Variants in PGM2L1 observed in about 807,000 individuals in gnomAD.
The protein encoded by PGM2L1 is glucose 1,6-bisphosphate synthase.
PGM2L1 carries 35 observed loss-of-function variants against 73.4 expected under a neutral mutation model. The observed-to-expected ratio is 0.48, with a 90% CI of 0.36 to 0.63. PGM2L1 has a LOEUF of 0.63. Ranked by LOEUF, PGM2L1 falls within the 30% of genes least tolerant of loss-of-function variation. The pLI, the probability that PGM2L1 is intolerant of heterozygous loss-of-function variation, is 0.00. For missense variants in PGM2L1, 570 were observed against 742.0 expected (o/e 0.77, Z 2.69); for synonymous variants, 225 against 253.8 (o/e 0.89, Z 1.08).
At position 74,330,380 on chromosome 11, in the gene PGM2L1, C is replaced by T. The variant is rs141308785; in HGVS notation, c.*6272G>A. On this transcript the variant is annotated 3_prime_UTR_variant, in exon 14 of 14. Coordinates refer to ENST00000298198, the MANE Select transcript of PGM2L1 (RefSeq NM_173582.6). ...TGGCTAAAACCACAAGAAATCCACACACAAATACATAAAGTGCAAATTCTC... is the reference window on the plus strand; with the variant it reads ...TGGCTAAAACCACAAGAAATCCACATACAAATACATAAAGTGCAAATTCTC... 6.5e-6 allele frequency: 1 copy of T among 152,752 alleles called. No individual in the cohort carries two copies. Among genetic ancestry groups the T allele is most frequent in the East Asian group, 1.9e-4 (1 of 5,188 alleles). The allele number at this position is 152,752 out of a possible 1,614,324, so 9.5% of individuals were successfully genotyped here. A position where few individuals can be genotyped will look rare whatever the true frequency, so the allele number is the denominator to read the frequency against.
intron 5 of PGM2L1, among the ~76,000 whole-genome samples, chr11:74,357,318 G>C (rs1046265057): frequency 6.6e-6 from 1 of 152,070 alleles, no homozygotes; most frequent in African/African-American, 2.4e-5. Flanking sequence ...ATCTGAAAAA[G>C]GACTGTTATC....
At chr11:74,372,873 G>C (rs1184631219) in intron 2 of PGM2L1, among the ~76,000 whole-genome samples, 1 of 152,180 alleles carries the variant, frequency 6.6e-6, no homozygotes, top group East Asian at 1.9e-4. Context: ...GTGAGTGCAT[G>C]CTTAGTATAT....
At position 74,384,166 on chromosome 11, in the gene PGM2L1, TCTGA is replaced by T. The variant is rs377179589; in HGVS notation, c.112-9588_112-9585del. 1.8e-4 allele frequency among the ~76,000 whole-genome samples: 27 copies of T among 152,262 alleles called. No individual in the cohort carries two copies. The South Asian group carries it at 2.5e-3, about 14-fold the overall frequency. The stretch of plus-strand genomic sequence containing the variant: ...ATCCTTTTGTCATTCCATGCTTTGT[TCTGA>T]CTATTTTTCACTGACCTATCTTGTA... On this transcript the variant is annotated intron_variant, in intron 1 of 13. Transcript: ENST00000298198.
chr11:74,338,225 G>A (rs1389280487), intron 13 of PGM2L1, among the ~76,000 whole-genome samples: 1 of 152,142 alleles, frequency 6.6e-6, no homozygotes, highest in African/African-American at 2.4e-5. Flanking sequence ...CAAATCTATA[G>A]AGAAAGACAG....
At chr11:74,375,598 G>A (rs1466145579) in intron 1 of PGM2L1, among the ~76,000 whole-genome samples, 1 of 151,990 alleles carries the variant, frequency 6.6e-6, no homozygotes, top group Non-Finnish European at 1.5e-5. Context: ...CATAAAAGGT[G>A]CTAAATATTA....
chr11:74,338,633 A>G (rs375559241), intron 12 of PGM2L1, 32 bp from the exon 13 acceptor site: 1 of 1,550,856 alleles, frequency 6.4e-7, no homozygotes, highest in Non-Finnish European at 8.8e-7. Context: ...GCTTAATTAT[A>G]CTTGGCATCT....
chr11:74,353,894 C>T (rs1862401257), intron 5 of PGM2L1, among the ~76,000 whole-genome samples: 1 of 150,602 alleles, frequency 6.6e-6, no homozygotes, highest in Non-Finnish European at 1.5e-5. Context: ...GCTGAAAACC[C>T]AGAATGTTTA....
intron 5 of PGM2L1, among the ~76,000 whole-genome samples, chr11:74,352,084 C>T (rs961873211): frequency 2.8e-4 from 42 of 152,026 alleles, no homozygotes; most frequent in Admixed American, 2.4e-3. Flanking sequence ...AATGACTCTA[C>T]AGGGACTCTT....
At chr11:74,376,501 A>G (rs893950507) in intron 1 of PGM2L1, among the ~76,000 whole-genome samples, 1 of 150,892 alleles carries the variant, frequency 6.6e-6, no homozygotes, top group African/African-American at 2.4e-5. Flanking sequence ...TATATAGTAT[A>G]TATGTGTGTA....
chr11:74,338,538 T>C lies in PGM2L1; in HGVS notation c.1696A>G (p.Thr566Ala). The C allele has an allele frequency of 6.2e-7, 1 of 1,607,278 alleles. No homozygotes were observed. ...GGTTCTGTTCCACTTGTCCGAAGGG[T>C]AGCAACACAGCCATTTTGAAAAGTA... ...TFTFQNGCVA[T>A]LRTSGTEPKI... The change falls in exon 13 of 14, where the codon ACC becomes GCC. Residue 566 changes from threonine to alanine, a missense_variant. Coordinates refer to ENST00000298198, the MANE Select transcript of PGM2L1 (RefSeq NM_173582.6).
chr11:74,368,491 C>T lies in PGM2L1; in HGVS notation c.555+1G>A. Reference sequence around the variant, plus strand: ...GCAAAGGTCAGGAGTCCAAGGTTTACCTTGTATCCATTGTCTTCCTTGCGG... The same window carrying T: ...GCAAAGGTCAGGAGTCCAAGGTTTATCTTGTATCCATTGTCTTCCTTGCGG... On this transcript the variant is annotated splice_donor_variant, in intron 5 of 13. Coordinates refer to ENST00000298198, the MANE Select transcript of PGM2L1 (RefSeq NM_173582.6). LOFTEE classifies it high-confidence loss of function. The T allele has an allele frequency of 6.2e-7, 1 of 1,609,654 alleles. No individual in the cohort carries two copies. Among genetic ancestry groups the T allele is most frequent in the Non-Finnish European group, 8.5e-7 (1 of 1,176,032 alleles).
intron 5 of PGM2L1, chr11:74,355,569 AAAAAAAAAAAT>A (rs1352085578): frequency 0.021 from 6,851 of 326,530 alleles, 87 homozygotes; most frequent in East Asian, 0.045. Context: ...AAAAAAAAAA[AAAAAAAAAAAT>A]TTGGATCCAT....
At chr11:74,392,666 C>T (rs897266964) in intron 1 of PGM2L1, among the ~76,000 whole-genome samples, 14 of 152,096 alleles carry the variant, frequency 9.2e-5, no homozygotes, top group Non-Finnish European at 1.2e-4. Flanking sequence ...CTCAGCCTCC[C>T]GAGTAGCTGG....
chr11:74,353,940 A>G (rs936538106), intron 5 of PGM2L1, among the ~76,000 whole-genome samples: 129 of 151,986 alleles, frequency 8.5e-4, no homozygotes, highest in African/African-American at 2.9e-3. Flanking sequence ...ATGCTCCCAC[A>G]TTTCAAGCCA....
chr11:74,343,213 T>C (rs748989200), intron 10 of PGM2L1, 110 bp downstream of exon 10: 3 of 1,377,592 alleles, frequency 2.2e-6, no homozygotes, highest in African/African-American at 1.5e-5. Flanking sequence ...TCATTCTCTG[T>C]AGTTTTTACA....
chr11:74,354,326 A>G, intron 5 of PGM2L1: 1 of 528,374 alleles, frequency 1.9e-6, no homozygotes, highest in Non-Finnish European at 3.3e-6. Flanking sequence ...GTCCAGGAAT[A>G]AATGTTAAAA....
At chr11:74,360,762 C>G (rs111235140) in intron 5 of PGM2L1, among the ~76,000 whole-genome samples, 3 of 152,208 alleles carry the variant, frequency 2.0e-5, no homozygotes. Context: ...TATCCCGAGC[C>G]TGGCTCGGAG....
chr11:74,352,858 T>A (rs191542794), intron 5 of PGM2L1, among the ~76,000 whole-genome samples: 2 of 152,266 alleles, frequency 1.3e-5, no homozygotes, highest in African/African-American at 4.8e-5. Context: ...AACTGTCCAT[T>A]TATCTGGTTC....
At chr11:74,394,367 T>A (rs1183942957) in intron 1 of PGM2L1, among the ~76,000 whole-genome samples, 1 of 152,144 alleles carries the variant, frequency 6.6e-6, no homozygotes, top group Non-Finnish European at 1.5e-5. Context: ...AGTGAGTACA[T>A]CCTGAGACAA....
Sources: gnomAD v4.1 joint callset for allele counts (sites outside exome capture counted in the v4.1 genomes callset) on GRCh38, gnomAD v4.1.1 for gene constraint, MANE v1.5 for transcripts, NCBI Gene and HGNC (gene_info 2026-07-23, HGNC 2026-07-21) for gene names.